KCND3: variants seen among roughly 807,000 people sequenced by gnomAD.
The protein encoded by KCND3 is A-type voltage-gated potassium channel KCND3.
KCND3 carries 9 observed loss-of-function variants against 51.1 expected under a neutral mutation model. The observed-to-expected ratio is 0.18, with a 90% CI of 0.11 to 0.31. The LOEUF (loss-of-function observed/expected upper bound fraction) is 0.31. Among genes scored for constraint, KCND3 ranks in the 10% least tolerant of loss-of-function variants. KCND3 has a pLI of 1.00. For missense variants in KCND3, 526 were observed against 903.8 expected, an observed-to-expected ratio of 0.58 and a Z score of 5.36; for synonymous variants, 349 against 368.0, an observed-to-expected ratio of 0.95 and a Z score of 0.59.
intron 2 of KCND3, among the ~76,000 whole-genome samples, chr1:111,814,703 G>C (rs561302295): frequency 1.3e-5 from 2 of 152,218 alleles, no homozygotes; most frequent in Non-Finnish European, 2.9e-5. Flanking sequence ...GAGCCTGAAA[G>C]TTATTGCCAG....
chr1:111,965,438 C>CCCCACACACACACACACA (rs1553184422), intron 2 of KCND3, among the ~76,000 whole-genome samples: 2 of 72,420 alleles, frequency 2.8e-5, no homozygotes, highest in South Asian at 8.7e-4. Context: ...GCCAGCAAAA[C>CCCCACACACACACACACA]CACACACACA....
intron 5 of KCND3, among the ~76,000 whole-genome samples, chr1:111,778,918 C>T (rs1664253138): frequency 6.6e-6 from 1 of 152,194 alleles, no homozygotes; most frequent in African/African-American, 2.4e-5. Context: ...CATTCCAGCC[C>T]TTCAAACCCA....
Position 111,982,650 on chromosome 1 carries a change from G to T in KCND3, c.77C>A (p.Pro26His). The T allele has an allele frequency of 1.2e-6, 2 of 1,613,452 alleles. No individual in the cohort carries two copies. Among genetic ancestry groups the T allele is most frequent in the Non-Finnish European group, 8.5e-7 (1 of 1,179,922 alleles). The change falls in exon 2 of 8, where the codon CCC becomes CAC. Residue 26 changes from proline (P) to histidine (H), a missense_variant. Coordinates refer to ENST00000302127, the MANE Select transcript of KCND3 (RefSeq NM_001378969.1). The surrounding 1 kb of genome is among the most constrained non-coding windows in gnomAD (Gnocchi z 8.5). The stretch of plus-strand genomic sequence containing the variant: ...CTTGTCGGCCGGGGCCAGGGGCATG[G>T]GGCAGTTGGCCACCGGCATCCACCC... ...AIGWMPVANC[P>H]MPLAPADKNK...
Position 111,771,058 on chromosome 1 carries a change from G to T in KCND3, c.*5019C>A, listed in dbSNP as rs1663894032. The T allele has an allele frequency of 1.3e-5, 2 of 152,118 alleles. 1 individual carries two copies. Among genetic ancestry groups the T allele is most frequent in the Non-Finnish European group, 2.9e-5 (2 of 68,022 alleles). 9.4% of individuals were successfully genotyped at this position (152,118 alleles called of 1,614,324 possible). On this transcript the variant is annotated 3_prime_UTR_variant, in exon 8 of 8. Transcript: ENST00000302127. ...TCCCACCTCCCAGGTTTGTAAAATA[G>T]TCCATTGGTCCAAGGAGCCCCCCAG... is the stretch of plus-strand genomic sequence containing the variant.
intron 2 of KCND3, among the ~76,000 whole-genome samples, chr1:111,848,214 A>G (rs910628135): frequency 9.2e-5 from 14 of 152,238 alleles, no homozygotes; most frequent in Admixed American, 5.9e-4. Flanking sequence ...CGGGGAAGGG[A>G]GCTGGATCTT....
intron 1 of KCND3, among the ~76,000 whole-genome samples, chr1:111,983,644 C>G (rs542343288): frequency 6.6e-6 from 1 of 152,258 alleles, no homozygotes; most frequent in East Asian, 1.9e-4. Context: ...GATCCGCGCT[C>G]ACTGCCGTCC....
chr1:111,898,326 T>C (rs552628898), intron 2 of KCND3, among the ~76,000 whole-genome samples: 1 of 152,332 alleles, frequency 6.6e-6, no homozygotes, highest in African/African-American at 2.4e-5. Context: ...TTCTTGAATC[T>C]GCCCACCAGG....
chr1:111,811,906 C>T (rs1665869235), intron 2 of KCND3, among the ~76,000 whole-genome samples: 1 of 152,172 alleles, frequency 6.6e-6, no homozygotes, highest in Admixed American at 6.5e-5. Flanking sequence ...TGCCTGTTTC[C>T]TTGGCCCGGG....
rs1426944544 is a variant in KCND3 at position 111,981,085 on chromosome 1, A to G, written c.1106+536T>C. Among the ~76,000 whole-genome samples, 2 of 152,240 alleles carry G rather than the reference A, an allele frequency of 1.3e-5. No homozygotes were observed. Among genetic ancestry groups the G allele is most frequent in the African/African-American group, 4.8e-5 (2 of 41,470 alleles). On this transcript the variant is annotated intron_variant, in intron 2 of 7. Coordinates refer to ENST00000302127, the MANE Select transcript of KCND3 (RefSeq NM_001378969.1). This position sits in a 1 kb window ranked among gnomAD's most constrained non-coding sequence, Gnocchi z 6.2. Reference sequence around the variant, plus strand: ...TCTGCTCAGAGCTACTGAACGCTTGAGTGTCTGTGGCAGCACAGGAGAAAA... The same window carrying G: ...TCTGCTCAGAGCTACTGAACGCTTGGGTGTCTGTGGCAGCACAGGAGAAAA...
chr1:111,910,801 T>C (rs922656187), intron 2 of KCND3: 2 of 152,118 alleles, frequency 1.3e-5, no homozygotes, highest in African/African-American at 4.8e-5. Context: ...AGACCAGAAC[T>C]GGTCATTTAC....
intron 2 of KCND3, among the ~76,000 whole-genome samples, chr1:111,823,893 G>A (rs1054481275): frequency 3.9e-5 from 6 of 152,128 alleles, no homozygotes; most frequent in Non-Finnish European, 5.9e-5. Context: ...TAATATGGTT[G>A]CACTAGAGAC....
chr1:111,776,533 T>TTGTGGCA (rs1664123630), intron 7 of KCND3, among the ~76,000 whole-genome samples: 1 of 152,198 alleles, frequency 6.6e-6, no homozygotes, highest in Non-Finnish European at 1.5e-5. Context: ...TATCTATCAT[T>TTGTGGCA]TGTGGCATTT....
intron 2 of KCND3, among the ~76,000 whole-genome samples, chr1:111,839,229 T>G (rs1667215075): frequency 6.6e-6 from 1 of 152,268 alleles, no homozygotes; most frequent in South Asian, 2.1e-4. Context: ...CTATTGTATC[T>G]GCCCATTCTT....
chr1:111,907,423 T>C (rs889004397), intron 2 of KCND3, among the ~76,000 whole-genome samples: 1 of 152,186 alleles, frequency 6.6e-6, no homozygotes, highest in Non-Finnish European at 1.5e-5. Context: ...GTCTCTCAGA[T>C]CAACTGCCCT....
chr1:111,809,977 A>G (rs909257307), intron 2 of KCND3, among the ~76,000 whole-genome samples: 2 of 152,172 alleles, frequency 1.3e-5, no homozygotes, highest in African/African-American at 4.8e-5. Flanking sequence ...TGGGCTCTAA[A>G]GGCAGCACCA....
intron 2 of KCND3, among the ~76,000 whole-genome samples, chr1:111,878,474 GC>G (rs1254086231): frequency 1.3e-5 from 2 of 152,210 alleles, no homozygotes; most frequent in African/African-American, 4.8e-5. Context: ...CCCATTTGTG[GC>G]CCCTTCTCCC....
intron 2 of KCND3, among the ~76,000 whole-genome samples, chr1:111,942,597 C>A (rs146251750): frequency 7.2e-5 from 11 of 152,316 alleles, no homozygotes; most frequent in African/African-American, 2.6e-4. Flanking sequence ...TCCTGCCCTC[C>A]GGATAACCAA....
chr1:111,929,874 G>A (rs548808191), intron 2 of KCND3, among the ~76,000 whole-genome samples: 74 of 152,292 alleles, frequency 4.9e-4, no homozygotes, highest in African/African-American at 1.7e-3. Context: ...CCTTTGCTAC[G>A]CAATTTAAAG....
intron 2 of KCND3, among the ~76,000 whole-genome samples, chr1:111,891,620 C>T (rs1669824647): frequency 6.6e-6 from 1 of 152,186 alleles, no homozygotes. Context: ...TCCCTCTCTG[C>T]TTTACCGTTC....
Sources: gnomAD v4.1 joint callset for allele counts (sites outside exome capture counted in the v4.1 genomes callset) on GRCh38, gnomAD v4.1.1 for gene constraint, Gnocchi (gnomAD v3.1) non-coding constraint, MANE v1.5 for transcripts, NCBI Gene and HGNC (gene_info 2026-07-23, HGNC 2026-07-21) for gene names.